DNAJC15: variants seen among roughly 807,000 people sequenced by gnomAD.
DNAJC15 encodes DnaJ heat shock protein family (Hsp40) member C15, also known as dnaJ homolog subfamily C member 15.
In DNAJC15, 27 loss-of-function variants were observed where a neutral mutation model predicts 22.4. The observed-to-expected ratio is 1.20, with a 90% CI of 0.89 to 1.66. The LOEUF (loss-of-function observed/expected upper bound fraction) is 1.66, where lower values mean the gene tolerates loss of function less well. Among genes scored for constraint, DNAJC15 ranks in the 40% most tolerant of loss-of-function variants. The pLI, the probability that DNAJC15 is intolerant of heterozygous loss-of-function variation, is 0.00. For synonymous variants in DNAJC15, 79 were observed against 63.2 expected, an observed-to-expected ratio of 1.25 and a Z score of -1.19; for missense variants, 208 against 187.1, an observed-to-expected ratio of 1.11 and a Z score of -0.65.
intron 5 of DNAJC15, among the ~76,000 whole-genome samples, chr13:43,093,934 C>G (rs1364448107): frequency 6.6e-6 from 1 of 152,180 alleles, no homozygotes; most frequent in Non-Finnish European, 1.5e-5. Context: ...TCAACCTCTA[C>G]ATTCATTCTG....
intron 1 of DNAJC15, among the ~76,000 whole-genome samples, chr13:43,041,083 C>G (rs1333813381): frequency 6.6e-6 from 1 of 152,054 alleles, no homozygotes; most frequent in African/African-American, 2.4e-5. Context: ...CAGCACAGAC[C>G]CTTTACAGGT....
intron 5 of DNAJC15, among the ~76,000 whole-genome samples, chr13:43,090,058 TA>T (rs2040706855): frequency 6.6e-6 from 1 of 152,316 alleles, no homozygotes; most frequent in Non-Finnish European, 1.5e-5. Flanking sequence ...TATAACCTGT[TA>T]AAAGAAAAAC....
At chr13:43,027,155 A>T (rs1373920739) in intron 1 of DNAJC15, among the ~76,000 whole-genome samples, 1 of 152,258 alleles carries the variant, frequency 6.6e-6, no homozygotes, top group Non-Finnish European at 1.5e-5. Flanking sequence ...ATTTTAAAGC[A>T]GTTTGAACAA....
intron 1 of DNAJC15, among the ~76,000 whole-genome samples, chr13:43,057,169 G>A (rs1218705664): frequency 6.6e-6 from 1 of 152,118 alleles, no homozygotes; most frequent in East Asian, 1.9e-4. Flanking sequence ...AGGCCAGGGA[G>A]GTTTTCCTCA....
chr13:43,089,659 G>A (rs1318027241), intron 5 of DNAJC15, among the ~76,000 whole-genome samples: 4 of 152,288 alleles, frequency 2.6e-5, no homozygotes, highest in Admixed American at 6.5e-5. Flanking sequence ...AACTAGGTAT[G>A]TATTATGATA....
rs187840981 is a variant in DNAJC15 at position 43,053,339 on chromosome 13, T to C, written c.109-12347T>C. 2.1e-3 allele frequency among the ~76,000 whole-genome samples: 323 copies of C among 152,356 alleles called. 1 individual carries two copies. The highest frequency in any genetic ancestry group is 7.4e-3 in the African/African-American group (307 of 41,590). On this transcript the variant is annotated intron_variant, in intron 1 of 5. Transcript: ENST00000379221. ...TATAGTTTGAAGTCAGGTAATGTGA[T>C]GCCTCCAGATTTGTTCTTTTTCCTT...
intron 5 of DNAJC15, among the ~76,000 whole-genome samples, chr13:43,094,210 A>G (rs760837598): frequency 5.9e-5 from 9 of 151,680 alleles, no homozygotes; most frequent in Non-Finnish European, 1.0e-4. Flanking sequence ...CCCATCTGTG[A>G]TTTTGTAACG....
chr13:43,028,734 C>T (rs1278294385), intron 1 of DNAJC15, among the ~76,000 whole-genome samples: 1 of 152,138 alleles, frequency 6.6e-6, no homozygotes, highest in Middle Eastern at 3.2e-3. Flanking sequence ...AGAGCTTTCT[C>T]TTCTGAAATT....
chr13:43,059,143 CCA>C (rs1278802583), intron 1 of DNAJC15, among the ~76,000 whole-genome samples: 1 of 150,020 alleles, frequency 6.7e-6, no homozygotes, highest in East Asian at 1.9e-4. Context: ...AGCTTCCTCT[CCA>C]CCGTTTTTTT....
At chr13:43,051,033 G>A (rs1157179619) in intron 1 of DNAJC15, among the ~76,000 whole-genome samples, 1 of 152,096 alleles carries the variant, frequency 6.6e-6, no homozygotes, top group Non-Finnish European at 1.5e-5. Context: ...GGAGTGCAAT[G>A]GCGCAATCTC....
Position 43,034,304 on chromosome 13 carries a change from CCTTT to C in DNAJC15, c.108+10571_108+10574del, listed in dbSNP as rs1351168106. Reference sequence around the variant, plus strand: ...GAATTCTTCTGTATGGGAGATTTGTCCTTTTTTTTTTTTTTTTTTTTTTTTTTTT... The same window carrying C: ...GAATTCTTCTGTATGGGAGATTTGTCTTTTTTTTTTTTTTTTTTTTTTTTT... On this transcript the variant is annotated intron_variant, in intron 1 of 5. Transcript: ENST00000379221. Among the ~76,000 whole-genome samples the C allele has an allele frequency of 3.6e-3, 337 of 92,932 alleles. 2 individuals carry two copies. Among genetic ancestry groups the C allele is most frequent in the African/African-American group, 0.015 (316 of 21,774 alleles). The allele number at this position is 92,932 out of a possible 152,430, so 61.0% of individuals were successfully genotyped here. A position where few individuals can be genotyped will look rare whatever the true frequency, so the allele number is the denominator to read the frequency against.
rs1262807220 is a variant in DNAJC15 at position 43,107,840 on chromosome 13, T to G, written c.*592T>G. ...GACCCTATAGCCAAAGCATGAGGAC[T>G]TGGAGAGCTACTAAAATGATTCAGG... On this transcript the variant is annotated 3_prime_UTR_variant, in exon 6 of 6. Transcript: ENST00000379221. The G allele has an allele frequency of 1.3e-5, 2 of 152,192 alleles. No homozygotes were observed. Among genetic ancestry groups the G allele is most frequent in the African/African-American group, 2.4e-5 (1 of 41,454 alleles). The allele number at this position is 152,192 out of a possible 1,614,324, so 9.4% of individuals were successfully genotyped here.
chr13:43,092,637 A>T (rs573954963), intron 5 of DNAJC15, among the ~76,000 whole-genome samples: 4 of 147,910 alleles, frequency 2.7e-5, no homozygotes, highest in Non-Finnish European at 5.9e-5. Flanking sequence ...TAGTAACTTG[A>T]TAGATACATT....
At chr13:43,043,372 G>A (rs1207806221) in intron 1 of DNAJC15, among the ~76,000 whole-genome samples, 1 of 152,208 alleles carries the variant, frequency 6.6e-6, no homozygotes, top group African/African-American at 2.4e-5. Flanking sequence ...GTCTCCCAAA[G>A]TGCTGGGATT....
At chr13:43,078,819 T>G in intron 4 of DNAJC15, 131 bp downstream of exon 4, 3 of 697,490 alleles carry the variant, frequency 4.3e-6, no homozygotes, top group Non-Finnish European at 6.5e-6. Context: ...TATCAAATTT[T>G]TATATTTTAA....
chr13:43,092,157 A>G (rs2040718067), intron 5 of DNAJC15, among the ~76,000 whole-genome samples: 1 of 152,038 alleles, frequency 6.6e-6, no homozygotes, highest in Non-Finnish European at 1.5e-5. Context: ...TATGGTGAAA[A>G]GGATTTTGGG....
At chr13:43,086,828 C>T (rs144554226) in intron 5 of DNAJC15, among the ~76,000 whole-genome samples, 116 of 151,436 alleles carry the variant, frequency 7.7e-4, no homozygotes, top group African/African-American at 2.5e-3. Context: ...TAAAGAATTA[C>T]GATTTATTTT....
chr13:43,088,603 A>C (rs1340572328), intron 5 of DNAJC15, among the ~76,000 whole-genome samples: 1 of 152,202 alleles, frequency 6.6e-6, no homozygotes, highest in African/African-American at 2.4e-5. Flanking sequence ...AGAGTGTTTA[A>C]GTCAAAATTA....
intron 3 of DNAJC15, among the ~76,000 whole-genome samples, chr13:43,072,219 TTC>T (rs1456190886): frequency 2.0e-5 from 3 of 152,166 alleles, no homozygotes; most frequent in South Asian, 2.1e-4. Flanking sequence ...TTGTAGGATT[TTC>T]TCTTTCTTAC....
Sources: gnomAD v4.1 joint callset for allele counts (sites outside exome capture counted in the v4.1 genomes callset) on GRCh38, gnomAD v4.1.1 for gene constraint, MANE v1.5 for transcripts, NCBI Gene and HGNC (gene_info 2026-07-23, HGNC 2026-07-21) for gene names.